Variants in PATL2 observed in about 807,000 individuals in gnomAD.
PATL2 encodes the protein PAT1 homolog 2, also known as protein PAT1 homolog 2.
In PATL2, 73 loss-of-function variants were observed where a neutral mutation model predicts 77.0. The observed-to-expected ratio is 0.95, with a 90% CI of 0.78 to 1.15. The LOEUF is 1.15. Ranked by LOEUF, PATL2 falls within the 50% of genes most tolerant of loss-of-function variation. PATL2 has a pLI of 0.00. For missense variants in PATL2, 618 were observed against 655.4 expected (o/e 0.94, Z 0.62); for synonymous variants, 265 against 257.1 (o/e 1.03, Z -0.29).
intron 6 of PATL2, among the ~76,000 whole-genome samples, chr15:44,673,662 T>C (rs1349026918): frequency 1.3e-5 from 2 of 152,168 alleles, no homozygotes; most frequent in African/African-American, 4.8e-5. Context: ...CTCCTCTCTA[T>C]AATAGTCTTC....
chr15:44,704,052 G>A (rs755981620), intron 3 of PATL2, among the ~76,000 whole-genome samples: 3 of 151,558 alleles, frequency 2.0e-5, no homozygotes, highest in Non-Finnish European at 4.4e-5. Context: ...GCAGTGGTGC[G>A]ATCTTGGCTC....
chr15:44,699,481 G>A (rs1463414641), intron 3 of PATL2, among the ~76,000 whole-genome samples: 1 of 152,096 alleles, frequency 6.6e-6, no homozygotes, highest in Admixed American at 6.6e-5. Flanking sequence ...TGGGATTACA[G>A]GTGTGCATCA....
chr15:44,711,282 G>C lies in PATL2; in HGVS notation c.-516C>G. ...AATGAGCGCCCGGTGTCCCAAGCTG[G>C]GGCGCGCACCCCAGATCGGAGGGCG... On this transcript the variant is annotated 5_prime_UTR_variant, in exon 1 of 18. Transcript: ENST00000682850. 1 of 590,174 alleles carries C rather than the reference G, an allele frequency of 1.7e-6. No homozygotes were observed. Among genetic ancestry groups the C allele is most frequent in the Non-Finnish European group, 3.0e-6 (1 of 329,664 alleles). 36.6% of individuals were successfully genotyped at this position (590,174 alleles called of 1,614,324 possible).
intron 3 of PATL2, among the ~76,000 whole-genome samples, chr15:44,700,759 TC>T (rs1207516531): frequency 6.6e-6 from 1 of 152,240 alleles, no homozygotes; most frequent in East Asian, 1.9e-4. Context: ...GCTCTTTATT[TC>T]TTTCTCTTGT....
At chr15:44,708,401 A>G (rs1342480324) in intron 3 of PATL2, among the ~76,000 whole-genome samples, 1 of 152,224 alleles carries the variant, frequency 6.6e-6, no homozygotes. Flanking sequence ...CTAAAATATA[A>G]CTGAAATCAT....
chr15:44,692,608 G>A (rs2086416671), intron 3 of PATL2, among the ~76,000 whole-genome samples: 1 of 152,228 alleles, frequency 6.6e-6, no homozygotes, highest in African/African-American at 2.4e-5. Flanking sequence ...GAGCTAGCAG[G>A]CACTCAGTAA....
intron 3 of PATL2, among the ~76,000 whole-genome samples, chr15:44,695,576 C>G (rs2086486563): frequency 6.6e-6 from 1 of 152,198 alleles, no homozygotes; most frequent in Non-Finnish European, 1.5e-5. Flanking sequence ...CTCCTAAAGC[C>G]TGAGTATAAA....
intron 3 of PATL2, chr15:44,676,814 G>A (rs1321514061): frequency 8.7e-6 from 10 of 1,153,772 alleles, no homozygotes; most frequent in Admixed American, 8.4e-5. Flanking sequence ...CTTCCCAACC[G>A]ACATCACCAG....
intron 3 of PATL2, among the ~76,000 whole-genome samples, chr15:44,679,552 C>CTTTTTTTT (rs545161525): frequency 1.1e-4 from 13 of 114,352 alleles, no homozygotes; most frequent in Non-Finnish European, 1.6e-4. Context: ...TTTTCTTTTT[C>CTTTTTTTT]TTTTTTTTTT....
chr15:44,670,172 C>T, intron 9 of PATL2, 85 bp from the exon 10 acceptor site: 2 of 1,493,410 alleles, frequency 1.3e-6, no homozygotes, highest in East Asian at 2.5e-5. Flanking sequence ...TCAAGTGCAG[C>T]CTCTTAAGTT....
At chr15:44,667,441 T>G (rs1205114192) in intron 15 of PATL2, among the ~76,000 whole-genome samples, 2 of 152,332 alleles carry the variant, frequency 1.3e-5, no homozygotes, top group East Asian at 3.9e-4. Context: ...ATTAAATGCA[T>G]ACTTCTAGGC....
rs1399311684 is a variant in PATL2 at position 44,669,003 on chromosome 15, C to T, written c.1201G>A (p.Val401Ile). Residue 401 changes from valine (V) to isoleucine (I), a missense_variant, in exon 14 of 18, where the codon GTC becomes ATC. Coordinates refer to ENST00000682850, the MANE Select transcript of PATL2 (RefSeq NM_001387263.1). ...LAITHHLPLL[V>I]RRDVADQALQ... ...ACCTGATCAGCCACATCCCTCCGGACCAGGAGGGGCAGATGGTGGGTGATA... is the reference window on the plus strand; with the variant it reads ...ACCTGATCAGCCACATCCCTCCGGATCAGGAGGGGCAGATGGTGGGTGATA... 2 of 1,549,114 alleles carry T rather than the reference C, an allele frequency of 1.3e-6. No homozygotes were observed. The highest frequency in any genetic ancestry group is 8.7e-7 in the Non-Finnish European group (1 of 1,145,524).
At position 44,674,185 on chromosome 15, in the gene PATL2, C is replaced by G; in HGVS notation, c.268G>C (p.Gly90Arg). 6.4e-7 allele frequency: 1 copy of G among 1,550,956 alleles called. No individual in the cohort carries two copies. The highest frequency in any genetic ancestry group is 8.7e-7 in the Non-Finnish European group (1 of 1,146,386). ...AAATGCAAGGAGGCAAGTGACATTC[C>G]CAGCATACCAGGGGCCTTGACTCCA... ...SPGVKAPGML[G>R]MSLASLHFLW... is the part of the protein sequence containing the mutation. Residue 90 changes from glycine to arginine, a missense_variant, in exon 6 of 18, where the codon GGA (glycine) becomes CGA (arginine). By Grantham distance (125) the Gly-to-Arg change is moderately radical. Transcript: ENST00000682850.
At position 44,669,262 on chromosome 15, in the gene PATL2, G is replaced by T. The variant is rs1347358726; in HGVS notation, c.1064+18C>A. On this transcript the variant is annotated intron_variant, in intron 13 of 17. Transcript: ENST00000682850. ...CTCCTTCCCTTCCTGGGCTGAGGTG[G>T]AACCCTCCCACACTCACTCCAGGTT... The T allele has an allele frequency of 1.3e-6, 2 of 1,540,722 alleles. No individual in the cohort carries two copies. The highest frequency in any genetic ancestry group is 2.4e-5 in the South Asian group (2 of 83,824).
chr15:44,671,930 G>A (rs2085701227), intron 9 of PATL2, 85 bp downstream of exon 9: 2 of 1,480,450 alleles, frequency 1.4e-6, no homozygotes, highest in African/African-American at 2.8e-5. Flanking sequence ...ACCTCTATGA[G>A]CCGAAGAGAG....
chr15:44,686,440 C>A (rs1389892834), intron 3 of PATL2, among the ~76,000 whole-genome samples: 2 of 152,066 alleles, frequency 1.3e-5, no homozygotes, highest in Non-Finnish European at 2.9e-5. Flanking sequence ...GAACTAAATG[C>A]CCACAAGAGG....
chr15:44,686,576 G>A (rs1019166496), intron 3 of PATL2, among the ~76,000 whole-genome samples: 10 of 151,982 alleles, frequency 6.6e-5, no homozygotes, highest in Admixed American at 6.6e-5. Context: ...AACTGAAGGA[G>A]ACAGAGACAT....
intron 3 of PATL2, among the ~76,000 whole-genome samples, chr15:44,705,275 C>T (rs2086710335): frequency 6.6e-6 from 1 of 152,062 alleles, no homozygotes; most frequent in African/African-American, 2.4e-5. Context: ...CTCCACTTCC[C>T]AGGTTCAAGC....
At chr15:44,677,372 C>T (rs1336198823) in intron 3 of PATL2, among the ~76,000 whole-genome samples, 2 of 152,148 alleles carry the variant, frequency 1.3e-5, no homozygotes, top group Non-Finnish European at 2.9e-5. Context: ...AGCTACTCAG[C>T]TCTGACTGAT....
Sources: gnomAD v4.1 joint callset for allele counts (sites outside exome capture counted in the v4.1 genomes callset) on GRCh38, gnomAD v4.1.1 for gene constraint, MANE v1.5 for transcripts, NCBI Gene and HGNC (gene_info 2026-07-23, HGNC 2026-07-21) for gene names.